The following AGMO variants were observed in gnomAD, a reference collection of about 807,000 sequenced individuals.
The protein encoded by AGMO is alkylglycerol monooxygenase.
A neutral mutation model predicts 60.2 loss-of-function variants in AGMO; 75 were observed. The ratio of observed to expected loss-of-function variants is 1.25; its 90% CI spans 1.03 to 1.51. The LOEUF is 1.51. Among genes scored for constraint, AGMO ranks in the 40% most tolerant of loss-of-function variants. AGMO has a pLI of 0.00. For synonymous variants in AGMO, 261 were observed against 177.1 expected (o/e 1.47, Z -3.76); for missense variants, 763 against 525.5 (o/e 1.45, Z -4.42).
In AGMO at chr7:15,336,151, CT is replaced by C. The variant is rs1442477216; in HGVS notation, c.1263+29362del. ...TCACCTGCAAACAAAATAACACATA[CT>C]CCCCCAAAATTTCTACAGGTCATCT... On this transcript the variant is annotated intron_variant, in intron 12 of 12. Transcript: ENST00000342526. Among the ~76,000 whole-genome samples the C allele has an allele frequency of 2.0e-5, 3 of 152,210 alleles. 1 individual carries two copies. The East Asian group carries it at 5.8e-4, about 29-fold the overall frequency.
chr7:15,291,532 A>G (rs1784264434), intron 12 of AGMO, among the ~76,000 whole-genome samples: 1 of 152,204 alleles, frequency 6.6e-6, no homozygotes, highest in African/African-American at 2.4e-5. Context: ...GAAACTCTTT[A>G]GAACCCATGG....
chr7:15,458,133 C>T (rs1583572898), intron 3 of AGMO, among the ~76,000 whole-genome samples: 1 of 152,162 alleles, frequency 6.6e-6, no homozygotes, highest in Admixed American at 6.5e-5. Flanking sequence ...ACCATCTCTC[C>T]TTCAGTGGAT....
chr7:15,459,435 A>G (rs147673258), intron 3 of AGMO, among the ~76,000 whole-genome samples: 1 of 152,246 alleles, frequency 6.6e-6, no homozygotes, highest in African/African-American at 2.4e-5. Flanking sequence ...GGGAGGGAAG[A>G]GTGGTTATGT....
At chr7:15,526,898 G>A (rs900817492) in intron 3 of AGMO, among the ~76,000 whole-genome samples, 2 of 152,062 alleles carry the variant, frequency 1.3e-5, no homozygotes, top group Non-Finnish European at 2.9e-5. Flanking sequence ...CTGTAATGGT[G>A]ACCTATGACC....
rs376699064 is a variant in AGMO at position 15,255,452 on chromosome 7, CA to C, written c.1264-54094del. On this transcript the variant is annotated intron_variant, in intron 12 of 12. Coordinates refer to ENST00000342526, the MANE Select transcript of AGMO (RefSeq NM_001004320.2). The stretch of plus-strand genomic sequence containing the variant: ...AATACCAGTTCTTTACAAACTATTT[CA>C]AAAAAACTGAAAAGGATTGCATTCT... 2.4e-3 allele frequency among the ~76,000 whole-genome samples: 339 copies of C among 143,074 alleles called. 1 individual carries two copies. Among genetic ancestry groups the C allele is most frequent in the African/African-American group, 8.4e-3 (321 of 38,222 alleles). 93.9% of individuals were successfully genotyped at this position (143,074 alleles called of 152,430 possible).
At chr7:15,470,374 G>A (rs1012741918) in intron 3 of AGMO, among the ~76,000 whole-genome samples, 1 of 151,978 alleles carries the variant, frequency 6.6e-6, no homozygotes, top group African/African-American at 2.4e-5. Context: ...TAGTCATGTT[G>A]TAGATTTATG....
At chr7:15,535,112 G>A (rs1784456448) in intron 3 of AGMO, among the ~76,000 whole-genome samples, 2 of 151,876 alleles carry the variant, frequency 1.3e-5, no homozygotes, top group Admixed American at 1.3e-4. Context: ...ATATTACACA[G>A]TTAAAAAGTG....
At chr7:15,409,127 A>G (rs1784776337) in intron 5 of AGMO, among the ~76,000 whole-genome samples, 1 of 151,740 alleles carries the variant, frequency 6.6e-6, no homozygotes, top group African/African-American at 2.4e-5. Context: ...AGGAATTTAG[A>G]CTTTATTCAG....
At chr7:15,343,458 G>A (rs899658928) in intron 12 of AGMO, among the ~76,000 whole-genome samples, 1 of 152,148 alleles carries the variant, frequency 6.6e-6, no homozygotes, top group African/African-American at 2.4e-5. Context: ...ATTTTAGAAT[G>A]AAAGGGGCTG....
At chr7:15,178,999 G>A in the AGMO span, among the ~76,000 whole-genome samples, 4 of 151,998 alleles carry the variant, frequency 2.6e-5, no homozygotes, top group Non-Finnish European at 4.4e-5. Context: ...TGTAATAATG[G>A]CATTAATTTA....
intron 12 of AGMO, among the ~76,000 whole-genome samples, chr7:15,226,220 T>A (rs1174797085): frequency 2.0e-5 from 3 of 152,048 alleles, no homozygotes; most frequent in African/African-American, 7.2e-5. Flanking sequence ...TGGCATCTGA[T>A]AACAAACTCT....
chr7:15,252,696 T>C (rs1446085992), intron 12 of AGMO, among the ~76,000 whole-genome samples: 1 of 152,198 alleles, frequency 6.6e-6, no homozygotes, highest in Non-Finnish European at 1.5e-5. Flanking sequence ...TGGTGATAAC[T>C]GTCAGAAGCT....
intron 3 of AGMO, among the ~76,000 whole-genome samples, chr7:15,497,579 A>C (rs987356817): frequency 3.9e-5 from 6 of 152,014 alleles, no homozygotes; most frequent in Non-Finnish European, 7.4e-5. Flanking sequence ...TTGCTTAACA[A>C]TTAGACTTTT....
chr7:15,484,289 A>G (rs375744127), intron 3 of AGMO, among the ~76,000 whole-genome samples: 1 of 152,184 alleles, frequency 6.6e-6, no homozygotes, highest in Non-Finnish European at 1.5e-5. Flanking sequence ...CTCATTGAAA[A>G]TATTATATCC....
chr7:15,411,326 T>C (rs1780598081), intron 5 of AGMO, among the ~76,000 whole-genome samples: 1 of 151,924 alleles, frequency 6.6e-6, no homozygotes. Context: ...TATGATACTT[T>C]GTATTGTTAT....
intron 5 of AGMO, among the ~76,000 whole-genome samples, chr7:15,411,796 A>G (rs1780617329): frequency 6.6e-6 from 1 of 152,102 alleles, no homozygotes; most frequent in South Asian, 2.1e-4. Flanking sequence ...CACAAATAGT[A>G]TGTATTTTTT....
chr7:15,547,449 A>G (rs993549478), intron 2 of AGMO, among the ~76,000 whole-genome samples: 1 of 152,044 alleles, frequency 6.6e-6, no homozygotes, highest in Non-Finnish European at 1.5e-5. Flanking sequence ...GGCGCAGGTC[A>G]GTGGGTGCGC....
chr7:15,500,003 T>G (rs1783336631), intron 3 of AGMO, among the ~76,000 whole-genome samples: 1 of 150,974 alleles, frequency 6.6e-6, no homozygotes, highest in African/African-American at 2.4e-5. Flanking sequence ...TTAGTAAAAA[T>G]GTTTACACAG....
At chr7:15,547,402 G>A (rs574044604) in intron 2 of AGMO, among the ~76,000 whole-genome samples, 5 of 151,940 alleles carry the variant, frequency 3.3e-5, no homozygotes, top group Admixed American at 3.3e-4. Flanking sequence ...TCCATCTGAG[G>A]TACCGGGTTC....
Sources: allele counts gnomAD v4.1 joint callset (sites outside exome capture counted in the v4.1 genomes callset), GRCh38; gene constraint gnomAD v4.1.1; transcripts MANE v1.5; gene names NCBI Gene and HGNC (gene_info 2026-07-23, HGNC 2026-07-21).